The following GALNT3 variants were observed in gnomAD, a reference collection of about 807,000 sequenced individuals.
The protein encoded by GALNT3 is GalNAc transferase 3.
GALNT3 carries 51 observed loss-of-function variants against 69.8 expected under a neutral mutation model. The observed-to-expected ratio is 0.73, with a 90% CI of 0.58 to 0.92. The LOEUF (loss-of-function observed/expected upper bound fraction) is 0.92. Among genes scored for constraint, GALNT3 ranks in the 40% least tolerant of loss-of-function variants. The pLI is 0.00. For synonymous variants in GALNT3, 265 were observed against 248.5 expected (o/e 1.07, Z -0.63); for missense variants, 711 against 760.0 (o/e 0.94, Z 0.76).
At chr2:165,785,326 A>T (rs140922908) in intron 1 of GALNT3, among the ~76,000 whole-genome samples, 5 of 152,216 alleles carry the variant, frequency 3.3e-5, no homozygotes, top group Non-Finnish European at 5.9e-5. Context: ...GAACAAAAAA[A>T]GCAAGAATTA....
Position 165,759,474 on chromosome 2 carries a change from T to C in GALNT3, c.935A>G (p.Asn312Ser). 1.9e-6 allele frequency: 3 copies of C among 1,614,072 alleles called. No homozygotes were observed. The highest frequency in any genetic ancestry group is 2.5e-6 in the Non-Finnish European group (3 of 1,179,988). The change falls in exon 5 of 11, where the codon AAC becomes AGC. Residue 312 changes from asparagine (N) to serine (S), a missense_variant. Physicochemically the swap from Asn to Ser is conservative, Grantham distance 46. Transcript: ENST00000392701. ...AGAAGGTTTGTTGAATTCAAACGTG[T>C]TCAGATCTATGGATGCAATATCTGG... ...VSPDIASIDL[N>S]TFEFNKPSPY... is the part of the protein sequence containing the mutation.
intron 4 of GALNT3, among the ~76,000 whole-genome samples, chr2:165,760,536 T>C (rs1310384672): frequency 1.3e-5 from 2 of 152,238 alleles, no homozygotes; most frequent in African/African-American, 4.8e-5. Flanking sequence ...GAATGTCCAG[T>C]ATGATCTTAT....
chr2:165,773,348 T>G (rs1322399397), intron 1 of GALNT3, among the ~76,000 whole-genome samples: 1 of 152,214 alleles, frequency 6.6e-6, no homozygotes, highest in Admixed American at 6.5e-5. Context: ...TTTGCTCTTC[T>G]TTCACCTTCT....
intron 6 of GALNT3, among the ~76,000 whole-genome samples, chr2:165,758,261 A>C (rs1688481505): frequency 6.6e-6 from 1 of 152,192 alleles, no homozygotes; most frequent in Non-Finnish European, 1.5e-5. Context: ...GCAGAAAATG[A>C]AACTCATGAA....
chr2:165,781,218 A>G (rs536007415), intron 1 of GALNT3, among the ~76,000 whole-genome samples: 13 of 152,280 alleles, frequency 8.5e-5, no homozygotes, highest in African/African-American at 2.4e-4. Context: ...TACTTTGATC[A>G]TCATTAAAAA....
chr2:165,764,806 A>T lies in GALNT3; in HGVS notation c.688+78T>A, dbSNP rs1688608606. 1.6e-5 allele frequency: 22 copies of T among 1,403,470 alleles called. No homozygotes were observed. In the South Asian group the frequency reaches 2.4e-4, roughly 15 times the overall value. 86.9% of individuals were successfully genotyped at this position (1,403,470 alleles called of 1,614,324 possible). A position where few individuals can be genotyped will look rare whatever the true frequency, so the allele number is the denominator to read the frequency against. On this transcript the variant is annotated intron_variant, in intron 3 of 10. Coordinates refer to ENST00000392701, the MANE Select transcript of GALNT3 (RefSeq NM_004482.4). ...TCAAGCTCTGAGATGGCATACAGAG[A>T]GTACCACATAACCAAGTAGACTGTA...
chr2:165,793,175 A>T (rs1201926988), intron 1 of GALNT3, among the ~76,000 whole-genome samples: 1 of 152,180 alleles, frequency 6.6e-6, no homozygotes, highest in Non-Finnish European at 1.5e-5. Flanking sequence ...TGGGCCTGGC[A>T]CACCCAAGCT....
At chr2:165,783,847 A>G (rs966393960) in intron 1 of GALNT3, among the ~76,000 whole-genome samples, 1 of 152,154 alleles carries the variant, frequency 6.6e-6, no homozygotes, top group Non-Finnish European at 1.5e-5. Flanking sequence ...CCAGATATAA[A>G]ACAGAATTTT....
rs746304512 is a variant in GALNT3 at position 165,759,616 on chromosome 2, T to A, written c.839-46A>T. 4.8e-6 allele frequency: 7 copies of A among 1,444,282 alleles called. No homozygotes were observed. In the African/African-American group the frequency reaches 9.8e-5, roughly 20 times the overall value. 89.5% of individuals were successfully genotyped at this position (1,444,282 alleles called of 1,614,324 possible). A position where few individuals can be genotyped will look rare whatever the true frequency, so the allele number is the denominator to read the frequency against. On this transcript the variant is annotated intron_variant, in intron 4 of 10. Transcript: ENST00000392701. ...ATTAATTCAATAAAAACATTGAAGTTTTTTTCTTTAGTTATTTAGGTGAAG... is the reference window on the plus strand; with the variant it reads ...ATTAATTCAATAAAAACATTGAAGTATTTTTCTTTAGTTATTTAGGTGAAG...
Position 165,755,165 on chromosome 2 carries a change from T to A in GALNT3, c.1393-102A>T, listed in dbSNP as rs546738103. The A allele has an allele frequency of 3.7e-5, 43 of 1,161,428 alleles. No homozygotes were observed. In the East Asian group the frequency reaches 1.1e-3, roughly 29 times the overall value. The allele number at this position is 1,161,428 out of a possible 1,614,324, so 71.9% of individuals were successfully genotyped here. A position where few individuals can be genotyped will look rare whatever the true frequency, so the allele number is the denominator to read the frequency against. On this transcript the variant is annotated intron_variant, in intron 7 of 10. Coordinates refer to ENST00000392701, the MANE Select transcript of GALNT3 (RefSeq NM_004482.4). Reference sequence around the variant, plus strand: ...ATTTCTATTTAGGTATTTTTAAAAATCCATGCTAAAAATTCAAGAGGCAAT... The same window carrying A: ...ATTTCTATTTAGGTATTTTTAAAAAACCATGCTAAAAATTCAAGAGGCAAT...
In GALNT3 at chr2:165,770,838, T is replaced by C. The variant is rs1454493060; in HGVS notation, c.-108-30A>G. 1.3e-5 allele frequency: 12 copies of C among 926,070 alleles called. No homozygotes were observed. The East Asian group carries it at 2.4e-4, about 18-fold the overall frequency. 57.4% of individuals were successfully genotyped at this position (926,070 alleles called of 1,614,324 possible). A position where few individuals can be genotyped will look rare whatever the true frequency, so the allele number is the denominator to read the frequency against. On this transcript the variant is annotated intron_variant, in intron 1 of 10. Coordinates refer to ENST00000392701, the MANE Select transcript of GALNT3 (RefSeq NM_004482.4). ...AAACAGAAATGATCGATGGTATTAG[T>C]AGCTATTCAGTCCTACAGGCATGGC... is the stretch of plus-strand genomic sequence containing the variant.
chr2:165,772,897 A>AT (rs975741160), intron 1 of GALNT3, among the ~76,000 whole-genome samples: 3 of 152,168 alleles, frequency 2.0e-5, no homozygotes, highest in Non-Finnish European at 2.9e-5. Context: ...GAAATTACCA[A>AT]TTTTTTCCAA....
intron 3 of GALNT3, among the ~76,000 whole-genome samples, chr2:165,764,257 T>C (rs1345116442): frequency 1.5e-4 from 23 of 152,152 alleles, no homozygotes; most frequent in Admixed American, 1.5e-3. Context: ...AAATAGAACA[T>C]GGTGACTCTT....
At chr2:165,761,626 A>AC (rs1053285219) in intron 4 of GALNT3, 3 of 637,322 alleles carry the variant, frequency 4.7e-6, no homozygotes, top group African/African-American at 3.7e-5. Context: ...GGAAAAAAAA[A>AC]AAAGAGGCAA....
intron 4 of GALNT3, chr2:165,761,702 G>A (rs904734457): frequency 1.4e-5 from 10 of 718,544 alleles, no homozygotes; most frequent in Non-Finnish European, 2.3e-5. Context: ...AACACAAAAG[G>A]AGATAAGAAT....
intron 2 of GALNT3, 141 bp from the exon 3 acceptor site, chr2:165,765,197 C>A (rs755369744): frequency 2.6e-6 from 2 of 769,798 alleles, no homozygotes; most frequent in Admixed American, 2.6e-5. Flanking sequence ...AATCTCAATG[C>A]TATATAAAAT....
rs767752966 is a variant in GALNT3, at chr2:165,770,342, G to A, written c.359C>T (p.Ala120Val). Residue 120 changes from alanine to valine, a missense_variant, in exon 2 of 11, where the codon GCA becomes GTA. Ala to Val is a moderately conservative substitution (Grantham distance 64). Coordinates refer to ENST00000392701, the MANE Select transcript of GALNT3 (RefSeq NM_004482.4). ...VLDRPPQDSN[A>V]PGASGKAFKT... ...GAATGCTTTACCAGAAGCACCAGGTGCATTTGAATCCTGAGGTGGACGGTC... is the reference window on the plus strand; with the variant it reads ...GAATGCTTTACCAGAAGCACCAGGTACATTTGAATCCTGAGGTGGACGGTC... The A allele has an allele frequency of 1.9e-6, 3 of 1,614,032 alleles. No homozygotes were observed. In the African/African-American group the frequency reaches 4.0e-5, roughly 22 times the overall value.
chr2:165,791,736 T>C (rs1683356683), intron 1 of GALNT3, among the ~76,000 whole-genome samples: 1 of 152,126 alleles, frequency 6.6e-6, no homozygotes, highest in Non-Finnish European at 1.5e-5. Context: ...GTTATCCACA[T>C]TGACTTAAAA....
intron 2 of GALNT3, among the ~76,000 whole-genome samples, chr2:165,768,122 T>A (rs1011296681): frequency 6.6e-6 from 1 of 152,120 alleles, no homozygotes; most frequent in Non-Finnish European, 1.5e-5. Flanking sequence ...TCCCAGCACT[T>A]TGGGAGGCCA....
Sources: allele counts gnomAD v4.1 joint callset (sites outside exome capture counted in the v4.1 genomes callset), GRCh38; gene constraint gnomAD v4.1.1; transcripts MANE v1.5; gene names NCBI Gene and HGNC (gene_info 2026-07-23, HGNC 2026-07-21).